PLEKHA5: variants seen among roughly 807,000 people sequenced by gnomAD.
The protein encoded by PLEKHA5 is pleckstrin homology domain containing A5.
Under a neutral mutation model 181.9 loss-of-function variants are expected in PLEKHA5, and 55 were observed. The observed-to-expected ratio is 0.30, with a 90% CI of 0.24 to 0.38. The LOEUF (loss-of-function observed/expected upper bound fraction) is 0.38. Among genes scored for constraint, PLEKHA5 ranks in the 10% least tolerant of loss-of-function variants. PLEKHA5 has a pLI of 1.00. For missense variants in PLEKHA5, 1,432 were observed against 1,549.5 expected (o/e 0.92, Z 1.27); for synonymous variants, 535 against 529.4 (o/e 1.01, Z -0.15).
At chr12:19,176,990 C>G (rs2047438982) in intron 3 of PLEKHA5, among the ~76,000 whole-genome samples, 1 of 152,020 alleles carries the variant, frequency 6.6e-6, no homozygotes, top group South Asian at 2.1e-4. Context: ...GCCTCGGCCT[C>G]CTGAGTAGCT....
intron 3 of PLEKHA5, 33 bp from the exon 4 acceptor site, chr12:19,253,907 G>T: frequency 1.7e-6 from 2 of 1,150,660 alleles, no homozygotes; most frequent in Non-Finnish European, 2.6e-6. Context: ...TTAAATACCT[G>T]CATGTTCTGT....
At chr12:19,272,159 C>T (rs895373083) in intron 10 of PLEKHA5, among the ~76,000 whole-genome samples, 2 of 151,704 alleles carry the variant, frequency 1.3e-5, no homozygotes, top group African/African-American at 4.8e-5. Flanking sequence ...TCATTGATGG[C>T]CCAAAGAAAA....
At chr12:19,182,589 C>A (rs948906580) in intron 3 of PLEKHA5, among the ~76,000 whole-genome samples, 10 of 152,136 alleles carry the variant, frequency 6.6e-5, no homozygotes, top group Non-Finnish European at 1.0e-4. Flanking sequence ...TGACTAGACC[C>A]TCCTCTTCTC....
chr12:19,145,318 C>T (rs2038624411), intron 3 of PLEKHA5, among the ~76,000 whole-genome samples: 2 of 152,116 alleles, frequency 1.3e-5, no homozygotes, highest in Admixed American at 1.3e-4. Flanking sequence ...CTATAGCCCT[C>T]TGCCTTCCAA....
At chr12:19,260,329 CATT>C (rs570829743) in intron 6 of PLEKHA5, among the ~76,000 whole-genome samples, 35 of 152,288 alleles carry the variant, frequency 2.3e-4, no homozygotes, top group African/African-American at 7.9e-4. Flanking sequence ...TGCATGGTTA[CATT>C]ATTCTCATCC....
chr12:19,331,258 C>G (rs999536677), intron 20 of PLEKHA5, among the ~76,000 whole-genome samples: 3 of 152,032 alleles, frequency 2.0e-5, no homozygotes, highest in African/African-American at 4.8e-5. Flanking sequence ...TATTGTGTAA[C>G]CATTCCCTTG....
chr12:19,359,415 CGAA>C lies in PLEKHA5; in HGVS notation c.3354_3356del (p.Arg1120del). 1 of 1,612,744 alleles carries C rather than the reference CGAA, an allele frequency of 6.2e-7. No individual in the cohort carries two copies. The highest frequency in any genetic ancestry group is 8.5e-7 in the Non-Finnish European group (1 of 1,179,064). ...ATGCTATATGTCTTTTGAGCAGACT[CGAA>C]GGAGGGATGATAAGGAACTGGACAC... is the stretch of plus-strand genomic sequence containing the variant. On this transcript the variant is annotated inframe_deletion, in exon 28 of 32. Transcript: ENST00000429027.
At chr12:19,286,801 A>C (rs2077296410) in intron 12 of PLEKHA5, among the ~76,000 whole-genome samples, 3 of 151,876 alleles carry the variant, frequency 2.0e-5, no homozygotes. Flanking sequence ...CCCCGTCTCT[A>C]CTAAAAATAC....
Position 19,129,760 on chromosome 12 carries a change from G to A in PLEKHA5, c.-40G>A, listed in dbSNP as rs1442310638. The A allele has an allele frequency of 2.0e-6, 3 of 1,483,678 alleles. No individual in the cohort carries two copies. Among genetic ancestry groups the A allele is most frequent in the Non-Finnish European group, 2.8e-6 (3 of 1,076,054 alleles). The allele number at this position is 1,483,678 out of a possible 1,614,324, so 91.9% of individuals were successfully genotyped here. A position where few individuals can be genotyped will look rare whatever the true frequency, so the allele number is the denominator to read the frequency against. ...TCCCTCCTCCCTCGGCAGCCGCGGCGGCAGCAGGAGAAGGCGGCGGCGGCG... is the reference window on the plus strand; with the variant it reads ...TCCCTCCTCCCTCGGCAGCCGCGGCAGCAGCAGGAGAAGGCGGCGGCGGCG... On this transcript the variant is annotated 5_prime_UTR_variant, in exon 1 of 32. Coordinates refer to ENST00000429027, the MANE Select transcript of PLEKHA5 (RefSeq NM_001256470.2).
At chr12:19,281,226 CAA>C (rs199800119) in intron 11 of PLEKHA5, among the ~76,000 whole-genome samples, 28 of 96,414 alleles carry the variant, frequency 2.9e-4, no homozygotes, top group African/African-American at 2.0e-4. Flanking sequence ...GAATCCATCT[CAA>C]AAAAAAAAAA....
intron 25 of PLEKHA5, among the ~76,000 whole-genome samples, chr12:19,350,949 CAA>C (rs1262361351): frequency 6.9e-6 from 1 of 144,268 alleles, no homozygotes; most frequent in East Asian, 2.1e-4. Context: ...TCTCCTTATT[CAA>C]AGTCTTTTTT....
At chr12:19,368,621 C>T (rs778668261) in intron 30 of PLEKHA5, among the ~76,000 whole-genome samples, 2 of 152,000 alleles carry the variant, frequency 1.3e-5, no homozygotes, top group Non-Finnish European at 2.9e-5. Flanking sequence ...GGAGAAACCC[C>T]GTCTCTACTA....
At chr12:19,206,724 G>A (rs948474948) in intron 3 of PLEKHA5, among the ~76,000 whole-genome samples, 4 of 152,052 alleles carry the variant, frequency 2.6e-5, no homozygotes, top group African/African-American at 9.7e-5. Flanking sequence ...AAGGAGGTGG[G>A]TGTATACTTA....
At chr12:19,154,735 C>G (rs1290658370) in intron 3 of PLEKHA5, 1 of 152,158 alleles carries the variant, frequency 6.6e-6, no homozygotes, top group East Asian at 1.9e-4. Flanking sequence ...CTGGAATCTA[C>G]TAGTAACATA....
chr12:19,146,322 A>G (rs1223245216), intron 3 of PLEKHA5, among the ~76,000 whole-genome samples: 2 of 152,160 alleles, frequency 1.3e-5, no homozygotes, highest in South Asian at 2.1e-4. Flanking sequence ...TTTATTGCCC[A>G]TTTGAATCTC....
intron 26 of PLEKHA5, among the ~76,000 whole-genome samples, chr12:19,357,242 A>G (rs1473044555): frequency 1.5e-5 from 2 of 136,466 alleles, no homozygotes; most frequent in Non-Finnish European, 3.1e-5. Flanking sequence ...GAGCTGCCAT[A>G]TTCTTTATAT....
At position 19,283,335 on chromosome 12, in the gene PLEKHA5, A is replaced by G. The variant is rs764136233; in HGVS notation, c.1369A>G (p.Met457Val). The G allele has an allele frequency of 1.9e-6, 3 of 1,613,926 alleles. No individual in the cohort carries two copies. The highest frequency in any genetic ancestry group is 3.3e-5 in the Admixed American group (2 of 59,962). Residue 457 changes from methionine (M) to valine (V), a missense_variant, in exon 12 of 32, where the codon ATG (methionine) becomes GTG (valine). Met to Val is a conservative substitution (Grantham distance 21, BLOSUM62 1). Transcript: ENST00000429027. ...RNMPSHRAQI[M>V]ARYPEGYRTL... ...TATGCCAAGTCACAGAGCCCAGATT[A>G]TGGCCCGCTACCCTGAAGGTTATAG...
At chr12:19,352,943 C>A (rs1320684094) in intron 25 of PLEKHA5, among the ~76,000 whole-genome samples, 3 of 146,516 alleles carry the variant, frequency 2.0e-5, no homozygotes, top group Non-Finnish European at 4.5e-5. Flanking sequence ...CCACCACACC[C>A]AGCTTTTTTT....
chr12:19,302,238 GTCT>G (rs1316509137), intron 15 of PLEKHA5, among the ~76,000 whole-genome samples: 2 of 152,166 alleles, frequency 1.3e-5, no homozygotes, highest in African/African-American at 4.8e-5. Context: ...CAAGAGATGG[GTCT>G]TCTTCTTAGT....
Sources: gnomAD v4.1 joint callset for allele counts (sites outside exome capture counted in the v4.1 genomes callset) on GRCh38, gnomAD v4.1.1 for gene constraint, MANE v1.5 for transcripts, NCBI Gene and HGNC (gene_info 2026-07-23, HGNC 2026-07-21) for gene names.